Variants in IGFBP1 observed in about 807,000 individuals in gnomAD.
IGFBP1 encodes the protein insulin like growth factor binding protein 1.
IGFBP1 carries 31 observed loss-of-function variants against 23.1 expected under a neutral mutation model. That is an observed-to-expected ratio of 1.34 (90% CI 1.01 to 1.81). The LOEUF is 1.81. Ranked by LOEUF, IGFBP1 falls within the 40% of genes most tolerant of loss-of-function variation. IGFBP1 has a pLI of 0.00. For synonymous variants in IGFBP1, 148 were observed against 145.5 expected, an observed-to-expected ratio of 1.02 and a Z score of -0.13; for missense variants, 333 against 342.2, an observed-to-expected ratio of 0.97 and a Z score of 0.21.
Position 45,888,562 on chromosome 7 carries a change from C to A in IGFBP1, c.-91C>A. On this transcript the variant is annotated 5_prime_UTR_variant, in exon 1 of 4. Coordinates refer to ENST00000275525, the MANE Select transcript of IGFBP1 (RefSeq NM_000596.4). Reference sequence around the variant, plus strand: ...CACCCTCCCAGAGAGCACTGGCCACCGCTCCACCATCACTTGCCCAGAGTT... The same window carrying A: ...CACCCTCCCAGAGAGCACTGGCCACAGCTCCACCATCACTTGCCCAGAGTT... 1 of 1,128,890 alleles carries A rather than the reference C, an allele frequency of 8.9e-7. No individual in the cohort carries two copies. The highest frequency in any genetic ancestry group is 1.3e-6 in the Non-Finnish European group (1 of 782,822). 69.9% of individuals were successfully genotyped at this position (1,128,890 alleles called of 1,614,324 possible).
Position 45,888,936 on chromosome 7 carries a change from A to G in IGFBP1, c.284A>G (p.His95Arg), listed in dbSNP as rs1057021005. ...CTGCCGGGGGAGCAGCAACCTCTGCACGCCCTCACCCGCGGCCAAGGCGCC... is the reference window on the plus strand; with the variant it reads ...CTGCCGGGGGAGCAGCAACCTCTGCGCGCCCTCACCCGCGGCCAAGGCGCC... ...RALPGEQQPL[H>R]ALTRGQGACV... Residue 95 changes from histidine (H) to arginine (R), a missense_variant, in exon 1 of 4, where the codon CAC (histidine) becomes CGC (arginine). Physicochemically the swap from His to Arg is conservative, Grantham distance 29. Coordinates refer to ENST00000275525, the MANE Select transcript of IGFBP1 (RefSeq NM_000596.4). 2 of 1,522,724 alleles carry G rather than the reference A, an allele frequency of 1.3e-6. No individual in the cohort carries two copies. The highest frequency in any genetic ancestry group is 1.7e-6 in the Non-Finnish European group (2 of 1,143,440). 94.3% of individuals were successfully genotyped at this position (1,522,724 alleles called of 1,614,324 possible). A position where few individuals can be genotyped will look rare whatever the true frequency, so the allele number is the denominator to read the frequency against.
intron 3 of IGFBP1, among the ~76,000 whole-genome samples, chr7:45,892,353 A>G (rs527459040): frequency 6.6e-6 from 1 of 152,356 alleles, no homozygotes; most frequent in African/African-American, 2.4e-5. Flanking sequence ...AGACTTTCCT[A>G]GGCCCCCTAA....
In IGFBP1 at chr7:45,893,138, G is replaced by T. The variant is rs766945964; in HGVS notation, c.*47G>T. On this transcript the variant is annotated 3_prime_UTR_variant, in exon 4 of 4. Transcript: ENST00000275525. ...GTCACGTGAAATATTTAAGTATATAGTATATTTATACTCTAGAACATGCAC... is the reference window on the plus strand; with the variant it reads ...GTCACGTGAAATATTTAAGTATATATTATATTTATACTCTAGAACATGCAC... 9 of 1,350,812 alleles carry T rather than the reference G, an allele frequency of 6.7e-6. No homozygotes were observed. In the African/African-American group the frequency reaches 1.0e-4, roughly 15 times the overall value. 83.7% of individuals were successfully genotyped at this position (1,350,812 alleles called of 1,614,324 possible).
rs560655167 is a variant in IGFBP1 at position 45,892,312 on chromosome 7, C to G, written c.648+252C>G. The stretch of plus-strand genomic sequence containing the variant: ...CAGGGGCCCTGGGGCTAAGCCTGAG[C>G]TCCATCACTCAGCAAGCCAATAGCT... On this transcript the variant is annotated intron_variant, in intron 3 of 3. Coordinates refer to ENST00000275525, the MANE Select transcript of IGFBP1 (RefSeq NM_000596.4). Among the ~76,000 whole-genome samples, 13 of 152,354 alleles carry G rather than the reference C, an allele frequency of 8.5e-5. No homozygotes were observed. In the East Asian group the frequency reaches 2.5e-3, roughly 29 times the overall value.
intron 2 of IGFBP1, 51 bp from the exon 3 acceptor site, chr7:45,891,881 G>A (rs2116549725): frequency 6.4e-7 from 1 of 1,571,090 alleles, no homozygotes; most frequent in East Asian, 2.3e-5. Context: ...TGTCTAGGCT[G>A]ATAATTCACT....
intron 2 of IGFBP1, 125 bp downstream of exon 2, chr7:45,890,842 C>T (rs1175261793): frequency 4.6e-6 from 4 of 866,204 alleles, no homozygotes; most frequent in South Asian, 1.8e-5. Flanking sequence ...TGCTTTTCCC[C>T]CAAAACCTAG....
chr7:45,891,292 G>A (rs943032316), intron 2 of IGFBP1, among the ~76,000 whole-genome samples: 1 of 152,104 alleles, frequency 6.6e-6, no homozygotes, highest in Non-Finnish European at 1.5e-5. Flanking sequence ...ACTTGAGGGC[G>A]ACAGAGAATC....
In IGFBP1 at chr7:45,889,933, T is replaced by C. The variant is rs183260304; in HGVS notation, c.350-615T>C. ...ATGGATTTCCACAGGGGGTCCCTTA[T>C]AGGCCAGTGTGCTGATTCTGTTCAT... On this transcript the variant is annotated intron_variant, in intron 1 of 3. Transcript: ENST00000275525. 1.4e-3 allele frequency among the ~76,000 whole-genome samples: 207 copies of C among 152,298 alleles called. 2 individuals carry two copies. Among genetic ancestry groups the C allele is most frequent in the African/African-American group, 4.8e-3 (199 of 41,576 alleles).
In IGFBP1 at chr7:45,890,685, G is replaced by A; in HGVS notation, c.487G>A (p.Ala163Thr). Residue 163 changes from alanine (A) to threonine (T), a missense_variant, in exon 2 of 4, where the codon GCT becomes ACT. Coordinates refer to ENST00000275525, the MANE Select transcript of IGFBP1 (RefSeq NM_000596.4). ...CATCAGTACCTATGATGGCTCGAAG[G>A]CTCTCCATGTCACCAACATCAAAAA... ...DAISTYDGSK[A>T]LHVTNIKKWK... is the part of the protein sequence containing the mutation. 1.2e-6 allele frequency: 2 copies of A among 1,608,992 alleles called. No homozygotes were observed. The highest frequency in any genetic ancestry group is 1.7e-6 in the Non-Finnish European group (2 of 1,177,890).
chr7:45,890,917 T>A (rs1276159031), intron 2 of IGFBP1, among the ~76,000 whole-genome samples, 200 bp downstream of exon 2: 1 of 152,204 alleles, frequency 6.6e-6, no homozygotes, highest in Non-Finnish European at 1.5e-5. Context: ...AGGAGCCCAC[T>A]GGATGCAAAG....
At chr7:45,892,938 G>C in intron 3 of IGFBP1, 22 bp from the exon 4 acceptor site, 1 of 1,607,236 alleles carries the variant, frequency 6.2e-7, no homozygotes, top group South Asian at 1.1e-5. Flanking sequence ...TGCTGCTCTT[G>C]ACCTTGGTCT....
chr7:45,890,198 C>T (rs113399119), intron 1 of IGFBP1, among the ~76,000 whole-genome samples: 5 of 152,174 alleles, frequency 3.3e-5, no homozygotes, highest in Non-Finnish European at 5.9e-5. Context: ...CCTACTAATG[C>T]GGTTAGGAAC....
intron 1 of IGFBP1, among the ~76,000 whole-genome samples, chr7:45,889,436 A>G (rs1399089244): frequency 6.6e-6 from 1 of 152,196 alleles, no homozygotes; most frequent in African/African-American, 2.4e-5. Flanking sequence ...GGGAAGGCCT[A>G]AGAAGGGAAT....
Position 45,893,097 on chromosome 7 carries a change from G to A in IGFBP1, c.*6G>A, listed in dbSNP as rs550128435. The stretch of plus-strand genomic sequence containing the variant: ...ATTTTAATGTACAAAACTGAAACCA[G>A]ATGAAATAATGTTCTGTCACGTGAA... On this transcript the variant is annotated 3_prime_UTR_variant, in exon 4 of 4. Coordinates refer to ENST00000275525, the MANE Select transcript of IGFBP1 (RefSeq NM_000596.4). The A allele has an allele frequency of 8.1e-6, 13 of 1,603,514 alleles. No individual in the cohort carries two copies. Among genetic ancestry groups the A allele is most frequent in the Middle Eastern group, 3.4e-4 (2 of 5,952 alleles).
intron 2 of IGFBP1, 77 bp from the exon 3 acceptor site, chr7:45,891,855 C>T: frequency 6.9e-7 from 1 of 1,454,178 alleles, no homozygotes; most frequent in Admixed American, 2.0e-5. Flanking sequence ...TCTACAAAAC[C>T]TCTTCCATCA....
chr7:45,889,052 C>T (rs972521714), intron 1 of IGFBP1, 51 bp downstream of exon 1: 5 of 1,355,212 alleles, frequency 3.7e-6, no homozygotes, highest in African/African-American at 3.0e-5. Flanking sequence ...CGCCCCCGCC[C>T]GGCACCTCCC....
In IGFBP1 at chr7:45,888,754, C is replaced by G. The variant is rs1477273313; in HGVS notation, c.102C>G (p.Ser34=). The G allele has an allele frequency of 6.3e-7, 1 of 1,583,858 alleles. No homozygotes were observed. Among genetic ancestry groups the G allele is most frequent in the African/African-American group, 1.3e-5 (1 of 74,166 alleles). The change falls in exon 1 of 4, where the codon TCC becomes TCG. Residue 34 remains serine, a synonymous_variant. Transcript: ENST00000275525. ...CTCCGTGGCAGTGCGCGCCCTGCTC[C>G]GCCGAGAAGCTCGCGCTCTGCCCGC... ...AGAPWQCAPC[S]AEKLALCPPV...
rs1474361726 is a variant in IGFBP1 at position 45,889,504 on chromosome 7, G to A, written c.349+503G>A. Among the ~76,000 whole-genome samples the A allele has an allele frequency of 1.1e-4, 16 of 152,332 alleles. No individual in the cohort carries two copies. In the East Asian group the frequency reaches 2.9e-3, roughly 28 times the overall value. Reference sequence around the variant, plus strand: ...AATGTCCTTTGTAATATACGTCCTGGATACAGTATGTGCTTCCCAGATGTT... The same window carrying A: ...AATGTCCTTTGTAATATACGTCCTGAATACAGTATGTGCTTCCCAGATGTT... On this transcript the variant is annotated intron_variant, in intron 1 of 3. Transcript: ENST00000275525.
At chr7:45,889,049 GCCCGGCACCT>G in intron 1 of IGFBP1, 48 bp downstream of exon 1, 1 of 1,372,904 alleles carries the variant, frequency 7.3e-7, no homozygotes. Flanking sequence ...GCCCGCCCCC[GCCCGGCACCT>G]CCCGCCCCCA....
Sources: gnomAD v4.1 joint callset for allele counts (sites outside exome capture counted in the v4.1 genomes callset) on GRCh38, gnomAD v4.1.1 for gene constraint, MANE v1.5 for transcripts, NCBI Gene and HGNC (gene_info 2026-07-23, HGNC 2026-07-21) for gene names.